The following GLIS3 variants were observed in gnomAD, a reference collection of about 807,000 sequenced individuals.
GLIS3 encodes the protein GLIS family zinc finger 3.
In GLIS3, 53 loss-of-function variants were observed where a neutral mutation model predicts 78.6. That is an observed-to-expected ratio of 0.67 (90% CI 0.54 to 0.85). The LOEUF is 0.85. GLIS3 is among the 40% of genes least tolerant of loss of function. GLIS3 has a pLI of 0.00. For missense variants in GLIS3, 1,703 were observed against 1,231.1 expected (o/e 1.38, Z -5.74); for synonymous variants, 684 against 509.9 (o/e 1.34, Z -4.60).
intron 3 of GLIS3, among the ~76,000 whole-genome samples, chr9:4,120,434 T>C (rs73394514): frequency 0.024 from 3,644 of 152,324 alleles, 172 homozygotes; most frequent in African/African-American, 0.083. Flanking sequence ...GGTTGTAGTC[T>C]TTTTGCAACC....
rs149115084 is a variant in GLIS3, at chr9:3,918,771, A to C, written c.1983+13589T>G. ...GAAAACAAAACACAAAAAAACAAAA[A>C]CTGTGGGGTTCTTGTCTATATAATC... On this transcript the variant is annotated intron_variant, in intron 6 of 10. Coordinates refer to ENST00000381971, the MANE Select transcript of GLIS3 (RefSeq NM_001042413.2). Among the ~76,000 whole-genome samples, 47 of 152,182 alleles carry C rather than the reference A, an allele frequency of 3.1e-4. No individual in the cohort carries two copies. In the East Asian group the frequency reaches 7.9e-3, roughly 26 times the overall value.
At chr9:4,458,747 G>A in the GLIS3 span, among the ~76,000 whole-genome samples, 1 of 152,156 alleles carries the variant, frequency 6.6e-6, no homozygotes, top group Non-Finnish European at 1.5e-5. Flanking sequence ...GTGGTGAGAT[G>A]AGATCGCACC....
intron 4 of GLIS3, among the ~76,000 whole-genome samples, chr9:3,974,204 G>T (rs970192971): frequency 2.0e-5 from 3 of 151,952 alleles, no homozygotes; most frequent in Non-Finnish European, 4.4e-5. Context: ...TACATACAGT[G>T]GCAGGTCAAG....
intron 4 of GLIS3, among the ~76,000 whole-genome samples, chr9:4,096,236 C>T (rs565697206): frequency 3.3e-5 from 5 of 152,214 alleles, no homozygotes; most frequent in East Asian, 1.9e-4. Context: ...AATAACCAGA[C>T]GATGTGCGGT....
chr9:4,324,163 G>A (rs1411727938), intron 2 of GLIS3, among the ~76,000 whole-genome samples: 2 of 152,146 alleles, frequency 1.3e-5, no homozygotes, highest in African/African-American at 2.4e-5. Flanking sequence ...TCCCTAAACT[G>A]TGCATAATAA....
chr9:4,334,136 T>A (rs1315747940), intron 2 of GLIS3, among the ~76,000 whole-genome samples: 3 of 152,134 alleles, frequency 2.0e-5, no homozygotes, highest in Non-Finnish European at 2.9e-5. Context: ...TGAGATCTCA[T>A]AAAAATTCAC....
At position 3,890,851 on chromosome 9, in the gene GLIS3, G is replaced by A. The variant is rs552177786; in HGVS notation, c.2128+7840C>T. 7.2e-5 allele frequency among the ~76,000 whole-genome samples: 11 copies of A among 152,250 alleles called. No individual in the cohort carries two copies. In the South Asian group the frequency reaches 2.3e-3, roughly 32 times the overall value. ...AACACAATTTTGACATTGTGAGTTT[G>A]GGGGCATTGCCACCCCAGTGATGGC... On this transcript the variant is annotated intron_variant, in intron 7 of 10. Transcript: ENST00000381971.
chr9:4,411,535 G>C, the GLIS3 span, among the ~76,000 whole-genome samples: 1 of 152,094 alleles, frequency 6.6e-6, no homozygotes. Flanking sequence ...TCCCAGTTTG[G>C]GAACCACTAA....
At chr9:4,229,282 G>A (rs752831987) in intron 2 of GLIS3, among the ~76,000 whole-genome samples, 6 of 152,176 alleles carry the variant, frequency 3.9e-5, no homozygotes, top group African/African-American at 1.2e-4. Flanking sequence ...TTTACCATGC[G>A]CACATACTTT....
At chr9:4,051,586 G>C (rs1435996482) in intron 4 of GLIS3, among the ~76,000 whole-genome samples, 2 of 152,152 alleles carry the variant, frequency 1.3e-5, no homozygotes, top group Admixed American at 1.3e-4. Flanking sequence ...GTAATTCAAA[G>C]AAAGAACATG....
chr9:4,020,884 C>T (rs188739572), intron 4 of GLIS3, among the ~76,000 whole-genome samples: 5 of 152,184 alleles, frequency 3.3e-5, no homozygotes, highest in Non-Finnish European at 7.3e-5. Context: ...TGATCACAGC[C>T]ACAGTAACAC....
At chr9:4,369,328 T>C in the GLIS3 span, among the ~76,000 whole-genome samples, 1 of 152,208 alleles carries the variant, frequency 6.6e-6, no homozygotes, top group Non-Finnish European at 1.5e-5. Flanking sequence ...CTCTCTGACA[T>C]GGAATAAAAA....
At chr9:4,422,558 T>A in the GLIS3 span, among the ~76,000 whole-genome samples, 1 of 152,300 alleles carries the variant, frequency 6.6e-6, no homozygotes, top group African/African-American at 2.4e-5. Context: ...AACCAGTCCA[T>A]AAAAAATATC....
intron 4 of GLIS3, among the ~76,000 whole-genome samples, chr9:4,077,789 G>A (rs1175909947): frequency 6.6e-6 from 1 of 152,088 alleles, no homozygotes; most frequent in Admixed American, 6.6e-5. Context: ...CAGCAGCAGT[G>A]GATTCCAGTT....
intron 5 of GLIS3, among the ~76,000 whole-genome samples, chr9:3,935,795 TG>T (rs1472313752): frequency 6.6e-6 from 1 of 152,178 alleles, no homozygotes; most frequent in African/African-American, 2.4e-5. Flanking sequence ...TCCATTTTAT[TG>T]GTCCTAAAAT....
chr9:3,954,916 T>C (rs1816987256), intron 4 of GLIS3, among the ~76,000 whole-genome samples: 3 of 152,132 alleles, frequency 2.0e-5, no homozygotes, highest in African/African-American at 4.8e-5. Context: ...AAATCCAAAA[T>C]GCATGACAAT....
chr9:4,364,476 C>T, the GLIS3 span, among the ~76,000 whole-genome samples: 1 of 152,068 alleles, frequency 6.6e-6, no homozygotes, highest in Admixed American at 6.6e-5. Flanking sequence ...GAATTGTATG[C>T]TACCAATTAA....
intron 4 of GLIS3, among the ~76,000 whole-genome samples, chr9:4,078,701 A>G (rs1464197029): frequency 6.6e-6 from 1 of 152,190 alleles, no homozygotes; most frequent in African/African-American, 2.4e-5. Flanking sequence ...ATTTTTCACT[A>G]TAATCCCCCT....
chr9:4,034,927 A>G (rs367930812), intron 4 of GLIS3: 7 of 152,184 alleles, frequency 4.6e-5, no homozygotes, highest in East Asian at 3.9e-4. Context: ...TCGTTACTTC[A>G]TATTCTCTTG....
Sources: allele counts gnomAD v4.1 joint callset (sites outside exome capture counted in the v4.1 genomes callset), GRCh38; gene constraint gnomAD v4.1.1; transcripts MANE v1.5; gene names NCBI Gene and HGNC (gene_info 2026-07-23, HGNC 2026-07-21).